MLC1: variants seen among roughly 807,000 people sequenced by gnomAD.
MLC1 encodes membrane protein MLC1.
Under a neutral mutation model 44.7 loss-of-function variants are expected in MLC1, and 32 were observed. That is an observed-to-expected ratio of 0.72 (90% CI 0.54 to 0.96). The LOEUF (loss-of-function observed/expected upper bound fraction) is 0.96. Ranked by LOEUF, MLC1 falls within the 40% of genes least tolerant of loss-of-function variation. MLC1 has a pLI of 0.00. For missense variants in MLC1, 459 were observed against 492.2 expected, an observed-to-expected ratio of 0.93 and a Z score of 0.64; for synonymous variants, 190 against 213.0, an observed-to-expected ratio of 0.89 and a Z score of 0.94.
intron 5 of MLC1, among the ~76,000 whole-genome samples, chr22:50,079,460 G>C (rs1279017601): frequency 7.1e-6 from 1 of 141,058 alleles, no homozygotes; most frequent in Non-Finnish European, 1.5e-5. Context: ...CCTCCTTGCA[G>C]TATCTCGGAT....
At chr22:50,074,420 G>C in intron 7 of MLC1, 88 bp from the exon 8 acceptor site, 1 of 1,198,860 alleles carries the variant, frequency 8.3e-7, no homozygotes, top group East Asian at 2.3e-5. Context: ...GGACCCCCAG[G>C]AGCAGGGTCC....
Position 50,083,444 on chromosome 22 carries a change from T to A in MLC1, c.178-271A>T, listed in dbSNP as rs1278860918. On this transcript the variant is annotated intron_variant, in intron 2 of 11. Transcript: ENST00000311597. This position sits in a 1 kb window ranked among gnomAD's most constrained non-coding sequence, Gnocchi z 4.6. The stretch of plus-strand genomic sequence containing the variant: ...TATCTGGAGGAGAGAAGAAAGGGGA[T>A]CTGCCAATATTTAGAGCAAGGAATG... Among the ~76,000 whole-genome samples, 1 of 152,064 alleles carries A rather than the reference T, an allele frequency of 6.6e-6. No individual in the cohort carries two copies. The highest frequency in any genetic ancestry group is 2.4e-5 in the African/African-American group (1 of 41,382).
intron 5 of MLC1, among the ~76,000 whole-genome samples, 158 bp from the exon 6 acceptor site, chr22:50,077,660 C>T (rs1189232133): frequency 2.6e-5 from 4 of 152,226 alleles, no homozygotes; most frequent in African/African-American, 9.6e-5. Context: ...CTGTGGGCTG[C>T]ACACTCTCCT....
At position 50,083,232 on chromosome 22, in the gene MLC1, G is replaced by C. The variant is rs2146933938; in HGVS notation, c.178-59C>G. On this transcript the variant is annotated intron_variant, in intron 2 of 11. Transcript: ENST00000311597. This position sits in a 1 kb window ranked among gnomAD's most constrained non-coding sequence, Gnocchi z 4.6. ...GCGCCCCGTCCCCAGGCTGGACCCT[G>C]ACCCTTCAACTTCTGCTTCACTGTC... The C allele has an allele frequency of 6.8e-7, 1 of 1,466,700 alleles. No individual in the cohort carries two copies. The highest frequency in any genetic ancestry group is 1.7e-4 in the Middle Eastern group (1 of 5,750). The allele number at this position is 1,466,700 out of a possible 1,614,324, so 90.9% of individuals were successfully genotyped here. A position where few individuals can be genotyped will look rare whatever the true frequency, so the allele number is the denominator to read the frequency against.
intron 7 of MLC1, among the ~76,000 whole-genome samples, chr22:50,075,752 C>A (rs1395367836): frequency 6.6e-6 from 1 of 151,756 alleles, no homozygotes; most frequent in Non-Finnish European, 1.5e-5. Context: ...GAAATGGAAC[C>A]TAAGAGAGGA....
chr22:50,081,356 G>A (rs571811274), intron 3 of MLC1, among the ~76,000 whole-genome samples: 6 of 151,794 alleles, frequency 4.0e-5, no homozygotes, highest in African/African-American at 1.5e-4. Flanking sequence ...AAGAAAGAAA[G>A]AAAAAAAGAA....
chr22:50,072,112 T>C (rs748655352), intron 8 of MLC1, among the ~76,000 whole-genome samples: 11 of 152,162 alleles, frequency 7.2e-5, no homozygotes, highest in Non-Finnish European at 1.2e-4. Context: ...TAAGCAGCAG[T>C]GAGGGCACAG....
chr22:50,068,031 C>T (rs893625086), intron 10 of MLC1, among the ~76,000 whole-genome samples: 7 of 152,074 alleles, frequency 4.6e-5, no homozygotes, highest in African/African-American at 1.4e-4. Context: ...CCTCAGAAGT[C>T]GTGTTGGAGA....
chr22:50,068,966 A>G (rs1406430154), intron 9 of MLC1, among the ~76,000 whole-genome samples: 1 of 151,448 alleles, frequency 6.6e-6, no homozygotes, highest in African/African-American at 2.4e-5. Context: ...ACCTCAGGTG[A>G]TCCACCCACC....
At chr22:50,064,306 G>T in intron 10 of MLC1, 108 bp from the exon 11 acceptor site, 1 of 1,365,032 alleles carries the variant, frequency 7.3e-7, no homozygotes, top group Non-Finnish European at 1.0e-6. Flanking sequence ...GCCAGGGCTC[G>T]AGTCGGAGCC....
chr22:50,072,707 A>G (rs1176844710), intron 8 of MLC1: 2 of 152,232 alleles, frequency 1.3e-5, no homozygotes, highest in African/African-American at 4.8e-5. Flanking sequence ...TCGGGATGTA[A>G]TCCCTGCGTT....
In MLC1 at chr22:50,064,050, T is replaced by A. The variant is rs755711398; in HGVS notation, c.1043A>T (p.Glu348Val). 1 of 1,520,568 alleles carries A rather than the reference T, an allele frequency of 6.6e-7. No individual in the cohort carries two copies. The highest frequency in any genetic ancestry group is 8.8e-7 in the Non-Finnish European group (1 of 1,135,582). The allele number at this position is 1,520,568 out of a possible 1,614,324, so 94.2% of individuals were successfully genotyped here. Residue 348 changes from glutamate to valine, a missense_variant, in exon 11 of 12, where the codon GAG (glutamate) becomes GTG (valine). By Grantham distance (121) the Glu-to-Val change is moderately radical. Coordinates refer to ENST00000311597, the MANE Select transcript of MLC1 (RefSeq NM_015166.4). ...ASWDTQNGPQ[E>V]RLAGEVARSP... Reference sequence around the variant, plus strand: ...GCCACTCACCTCCCCAGCCAGGCGCTCCTGCGGGCCGTTCTGGGTGTCCCA... The same window carrying A: ...GCCACTCACCTCCCCAGCCAGGCGCACCTGCGGGCCGTTCTGGGTGTCCCA...
intron 7 of MLC1, among the ~76,000 whole-genome samples, chr22:50,075,253 G>A (rs542630328): frequency 4.2e-4 from 64 of 152,108 alleles, no homozygotes; most frequent in South Asian, 1.5e-3. Context: ...ACACACGCCC[G>A]AAAACCTGCT....
intron 1 of MLC1, 120 bp from the exon 2 acceptor site, chr22:50,085,081 G>GA: frequency 6.9e-7 from 1 of 1,447,412 alleles, no homozygotes; most frequent in South Asian, 1.4e-5. Context: ...ATTTGAAGAA[G>GA]AAAATGAGCA....
chr22:50,078,871 T>G (rs188189602), intron 5 of MLC1, among the ~76,000 whole-genome samples: 1 of 152,318 alleles, frequency 6.6e-6, no homozygotes, highest in East Asian at 1.9e-4. Flanking sequence ...TTCCTGATCC[T>G]GAAGAGACAG....
intron 8 of MLC1, among the ~76,000 whole-genome samples, chr22:50,072,499 C>G (rs1569246161): frequency 1.3e-5 from 2 of 152,162 alleles, no homozygotes; most frequent in Non-Finnish European, 2.9e-5. Flanking sequence ...TAGGGGCGCC[C>G]AGGGGGCAGC....
At chr22:50,073,983 A>T (rs1011875945) in intron 8 of MLC1, among the ~76,000 whole-genome samples, 2 of 152,156 alleles carry the variant, frequency 1.3e-5, no homozygotes, top group Non-Finnish European at 2.9e-5. Flanking sequence ...AATAATTGGT[A>T]TTTTTTTCAG....
chr22:50,068,181 A>T (rs1249931047), intron 10 of MLC1, among the ~76,000 whole-genome samples: 2 of 152,226 alleles, frequency 1.3e-5, no homozygotes, highest in Non-Finnish European at 2.9e-5. Flanking sequence ...GGGCTCAGGG[A>T]CAGAGTGGGT....
At chr22:50,061,859 A>AT (rs936099549) in intron 11 of MLC1, among the ~76,000 whole-genome samples, 32 of 152,232 alleles carry the variant, frequency 2.1e-4, no homozygotes, top group African/African-American at 7.7e-4. Flanking sequence ...AAACGCCTGC[A>AT]TCCCCCCCCG....
Sources: allele counts gnomAD v4.1 joint callset (sites outside exome capture counted in the v4.1 genomes callset), GRCh38; gene constraint gnomAD v4.1.1; non-coding constraint Gnocchi (gnomAD v3.1); transcripts MANE v1.5; gene names NCBI Gene and HGNC (gene_info 2026-07-23, HGNC 2026-07-21).